Variants in LMBR1 observed in about 807,000 individuals in gnomAD.
LMBR1 encodes the protein limb development membrane protein 1.
Under a neutral mutation model 73.9 loss-of-function variants are expected in LMBR1, and 52 were observed. The ratio of observed to expected loss-of-function variants is 0.70; its 90% CI spans 0.56 to 0.89. LMBR1 has a LOEUF of 0.89. Among genes scored for constraint, LMBR1 ranks in the 40% least tolerant of loss-of-function variants. The pLI, the probability that LMBR1 is intolerant of heterozygous loss-of-function variation, is 0.00. For missense variants in LMBR1, 539 were observed against 579.8 expected (o/e 0.93, Z 0.72); for synonymous variants, 215 against 209.4 (o/e 1.03, Z -0.23).
At position 156,810,135 on chromosome 7, in the gene LMBR1, A is replaced by G. The variant is rs944032659; in HGVS notation, c.320-13643T>C. Among the ~76,000 whole-genome samples the G allele has an allele frequency of 4.8e-4, 73 of 152,154 alleles. 3 individuals are homozygous for G. Among genetic ancestry groups the G allele is most frequent in the Non-Finnish European group, 1.5e-4 (10 of 68,020 alleles). ...AGGCTGTACAAGAAGCTTGGTGCCA[A>G]CAGCTGCTGTGAGGAGGGCCTCAAG... On this transcript the variant is annotated intron_variant, in intron 4 of 16. Transcript: ENST00000353442.
chr7:156,747,042 A>G (rs1285326633), intron 9 of LMBR1, among the ~76,000 whole-genome samples: 1 of 152,162 alleles, frequency 6.6e-6, no homozygotes, highest in Non-Finnish European at 1.5e-5. Context: ...ATTTAATGGT[A>G]TTATTCTGTT....
chr7:156,754,408 C>T (rs916316834), intron 9 of LMBR1, among the ~76,000 whole-genome samples: 1 of 152,108 alleles, frequency 6.6e-6, no homozygotes, highest in African/African-American at 2.4e-5. Context: ...TTGGTGCTGG[C>T]TGTCATGTTT....
At chr7:156,819,174 T>C (rs1834373848) in intron 4 of LMBR1, among the ~76,000 whole-genome samples, 2 of 152,252 alleles carry the variant, frequency 1.3e-5, no homozygotes, top group African/African-American at 4.8e-5. Context: ...ATTTTATTTG[T>C]GTTACAAAAT....
intron 4 of LMBR1, among the ~76,000 whole-genome samples, chr7:156,811,906 T>A (rs6459708): frequency 6.6e-6 from 1 of 152,156 alleles, no homozygotes; most frequent in African/African-American, 2.4e-5. Flanking sequence ...CTACTATCTG[T>A]GGGTGGCTGC....
intron 4 of LMBR1, among the ~76,000 whole-genome samples, chr7:156,804,001 G>A (rs1488081147): frequency 7.9e-6 from 1 of 126,514 alleles, no homozygotes; most frequent in East Asian, 2.9e-4. Flanking sequence ...TGTGGGGTGG[G>A]GGGAGGGGGG....
chr7:156,833,328 T>C, intron 3 of LMBR1: 1 of 155,992 alleles, frequency 6.4e-6, no homozygotes, highest in East Asian at 1.9e-4. Flanking sequence ...CCCTATCATA[T>C]CTCACCGGTG....
chr7:156,806,941 C>CAT (rs1285423170), intron 4 of LMBR1, among the ~76,000 whole-genome samples: 2 of 152,106 alleles, frequency 1.3e-5, no homozygotes, highest in Non-Finnish European at 2.9e-5. Context: ...GAGAACATCC[C>CAT]ATTTCAGGCC....
intron 4 of LMBR1, among the ~76,000 whole-genome samples, chr7:156,801,377 TAATA>T (rs1256175874): frequency 1.3e-5 from 2 of 152,242 alleles, no homozygotes; most frequent in East Asian, 1.9e-4. Flanking sequence ...ATTGCACACT[TAATA>T]AATGGCATTA....
Position 156,789,572 on chromosome 7 carries a change from C to T in LMBR1, c.423+6817G>A, listed in dbSNP as rs551196721. On this transcript the variant is annotated intron_variant, in intron 5 of 16. Transcript: ENST00000353442. ...CAAGGTTCAGTTATATATTGACAAACGTTTCATAGATCAAAGATCAACATT... is the reference window on the plus strand; with the variant it reads ...CAAGGTTCAGTTATATATTGACAAATGTTTCATAGATCAAAGATCAACATT... Among the ~76,000 whole-genome samples the T allele has an allele frequency of 2.6e-5, 4 of 152,168 alleles. No individual in the cohort carries two copies. The East Asian group carries it at 7.7e-4, about 29-fold the overall frequency.
At chr7:156,673,657 G>T (rs1463950160), downstream of LMBR1, among the ~76,000 whole-genome samples, 1 of 152,120 alleles carries the variant, frequency 6.6e-6, no homozygotes, top group Non-Finnish European at 1.5e-5. Flanking sequence ...AACCCTTGTG[G>T]ACTGCCTGCT....
chr7:156,865,470 T>C (rs1048269612), intron 1 of LMBR1, among the ~76,000 whole-genome samples: 8 of 152,186 alleles, frequency 5.3e-5, no homozygotes, highest in African/African-American at 1.7e-4. Context: ...TGTTCATGGA[T>C]TGGAGAATTT....
chr7:156,809,642 T>C (rs114371462), intron 4 of LMBR1, among the ~76,000 whole-genome samples: 175 of 152,356 alleles, frequency 1.1e-3, no homozygotes, highest in African/African-American at 4.1e-3. Flanking sequence ...CCGTGGTTGG[T>C]TGAATCTACA....
At position 156,670,961 on chromosome 7, in the gene LMBR1, A is replaced by G. The variant is rs1802351237; in HGVS notation, n.867-1674T>C. 1.3e-5 allele frequency among the ~76,000 whole-genome samples: 2 copies of G among 152,156 alleles called. No homozygotes were observed. The highest frequency in any genetic ancestry group is 2.1e-4 in the South Asian group (1 of 4,824). ...CAAGAAAACTCATGTCTCAGGTTAA[A>G]AGAGAGAGAGAGCTTATGACAAAAA... On this transcript the variant is annotated intron_variant and non_coding_transcript_variant, in intron 4 of 4. Coordinates refer to the LMBR1 transcript ENST00000430825. The surrounding 1 kb of genome is among the most constrained non-coding windows in gnomAD (Gnocchi z 4.3).
intron 9 of LMBR1, among the ~76,000 whole-genome samples, chr7:156,750,943 C>G (rs569087764): frequency 6.6e-6 from 1 of 152,146 alleles, no homozygotes; most frequent in East Asian, 1.9e-4. Flanking sequence ...AACCTTGTCT[C>G]TACAAAAAAC....
chr7:156,832,991 G>A (rs971000066), intron 3 of LMBR1, among the ~76,000 whole-genome samples: 5 of 152,128 alleles, frequency 3.3e-5, no homozygotes, highest in Admixed American at 6.5e-5. Context: ...GAGTGGTACC[G>A]CTGTCTATGC....
intron 1 of LMBR1, among the ~76,000 whole-genome samples, chr7:156,870,072 C>T (rs1799044870): frequency 6.6e-6 from 1 of 152,086 alleles, no homozygotes; most frequent in African/African-American, 2.4e-5. Flanking sequence ...ATAAAGCAAA[C>T]ACTGACAGAA....
intron 5 of LMBR1, among the ~76,000 whole-genome samples, chr7:156,767,451 C>T (rs760447091): frequency 1.8e-4 from 27 of 151,878 alleles, no homozygotes; most frequent in Non-Finnish European, 2.8e-4. Context: ...TAAGAAGTGA[C>T]ATTCAGATGA....
chr7:156,745,153 A>G (rs1054513344), intron 9 of LMBR1, among the ~76,000 whole-genome samples: 13 of 152,066 alleles, frequency 8.5e-5, no homozygotes, highest in African/African-American at 2.4e-4. Flanking sequence ...CACAAAGACT[A>G]TTTCTTTTTT....
chr7:156,864,498 T>C (rs1247691799), intron 1 of LMBR1, among the ~76,000 whole-genome samples: 2 of 152,164 alleles, frequency 1.3e-5, no homozygotes, highest in Admixed American at 6.5e-5. Context: ...ATATGGTCCA[T>C]AGGAGGTTAC....
Sources: gnomAD v4.1 joint callset for allele counts (sites outside exome capture counted in the v4.1 genomes callset) on GRCh38, gnomAD v4.1.1 for gene constraint, Gnocchi (gnomAD v3.1) non-coding constraint, MANE v1.5 for transcripts, NCBI Gene and HGNC (gene_info 2026-07-23, HGNC 2026-07-21) for gene names.